The following PARD3 variants were observed in gnomAD, a reference collection of about 807,000 sequenced individuals.
The protein encoded by PARD3 is partitioning defective 3 homolog.
Under a neutral mutation model 155.4 loss-of-function variants are expected in PARD3, and 75 were observed. The ratio of observed to expected loss-of-function variants is 0.48; its 90% CI spans 0.40 to 0.58. The LOEUF (loss-of-function observed/expected upper bound fraction) is 0.58. Ranked by LOEUF, PARD3 falls within the 20% of genes least tolerant of loss-of-function variation. The probability of loss-of-function intolerance (pLI) is 0.00; values close to 1 mark genes in which losing one functional copy is unlikely to be tolerated. For synonymous variants in PARD3, 576 were observed against 610.5 expected (o/e 0.94, Z 0.83); for missense variants, 1,642 against 1,721.7 (o/e 0.95, Z 0.82).
chr10:34,407,009 A>G lies in PARD3; in HGVS notation c.715-5092T>C, dbSNP rs543104442. ...ATAAAAGGAACAACTCTTATCTTCCATATGGCAAGTCAACAGATGTCAGTA... is the reference window on the plus strand; with the variant it reads ...ATAAAAGGAACAACTCTTATCTTCCGTATGGCAAGTCAACAGATGTCAGTA... On this transcript the variant is annotated intron_variant, in intron 5 of 24. Coordinates refer to ENST00000374788, the MANE Select transcript of PARD3 (RefSeq NM_001184785.2). Among the ~76,000 whole-genome samples, 13 of 152,352 alleles carry G rather than the reference A, an allele frequency of 8.5e-5. 1 individual carries two copies. In the Middle Eastern group the frequency reaches 0.01, roughly 120 times the overall value.
At chr10:34,698,165 G>A (rs894081906) in intron 1 of PARD3, among the ~76,000 whole-genome samples, 1 of 152,042 alleles carries the variant, frequency 6.6e-6, no homozygotes, top group Non-Finnish European at 1.5e-5. Flanking sequence ...CCTCCAAAAT[G>A]TGGCTTATGA....
At chr10:34,775,626 T>G (rs759654356) in intron 1 of PARD3, among the ~76,000 whole-genome samples, 2 of 151,726 alleles carry the variant, frequency 1.3e-5, no homozygotes, top group East Asian at 3.8e-4. Flanking sequence ...CTACAAGAGA[T>G]ATATGCGTGA....
At chr10:34,812,871 T>A (rs962214530) in intron 1 of PARD3, among the ~76,000 whole-genome samples, 3 of 152,166 alleles carry the variant, frequency 2.0e-5, no homozygotes, top group Admixed American at 6.5e-5. Flanking sequence ...CTCCCTTTTC[T>A]ACGCCCTGTG....
intron 2 of PARD3, among the ~76,000 whole-genome samples, chr10:34,593,566 A>G (rs1393204416): frequency 1.3e-5 from 2 of 152,352 alleles, no homozygotes; most frequent in African/African-American, 2.4e-5. Flanking sequence ...TCAAACCTAT[A>G]AATCAGTGAA....
chr10:34,123,023 G>T (rs920894621), intron 23 of PARD3, among the ~76,000 whole-genome samples: 1 of 152,192 alleles, frequency 6.6e-6, no homozygotes, highest in Admixed American at 6.5e-5. Context: ...AAATACCTGC[G>T]CAGGCATAAC....
chr10:34,533,823 AAC>A (rs1481122747), intron 2 of PARD3, among the ~76,000 whole-genome samples: 4 of 151,258 alleles, frequency 2.6e-5, no homozygotes, highest in African/African-American at 9.7e-5. Context: ...AACAAAAAAA[AAC>A]AGACTATTGA....
intron 4 of PARD3, among the ~76,000 whole-genome samples, chr10:34,453,294 G>T (rs1665774180): frequency 6.6e-6 from 1 of 152,114 alleles, no homozygotes; most frequent in Admixed American, 6.6e-5. Context: ...ATTCTCAATA[G>T]AACTAATCAT....
At chr10:34,644,121 C>A (rs992534615) in intron 2 of PARD3, among the ~76,000 whole-genome samples, 31 of 152,142 alleles carry the variant, frequency 2.0e-4, no homozygotes, top group Non-Finnish European at 8.8e-5. Context: ...GAAACCAATA[C>A]AACACAGAAG....
chr10:34,158,019 T>G (rs1156986296), intron 22 of PARD3, among the ~76,000 whole-genome samples: 1 of 152,180 alleles, frequency 6.6e-6, no homozygotes, highest in African/African-American at 2.4e-5. Flanking sequence ...TCCAACATAC[T>G]CAAACATTTT....
intron 22 of PARD3, among the ~76,000 whole-genome samples, chr10:34,217,295 T>C (rs1388621694): frequency 1.3e-5 from 2 of 152,120 alleles, no homozygotes; most frequent in Non-Finnish European, 2.9e-5. Flanking sequence ...ACTTGGAAGA[T>C]AGAGTGTTAA....
In PARD3 at chr10:34,111,307, GTC is replaced by G; in HGVS notation, c.3922_3923del (p.Asp1308LeufsTer3). On this transcript the variant is annotated frameshift_variant, in exon 25 of 25. Coordinates refer to ENST00000374788, the MANE Select transcript of PARD3 (RefSeq NM_001184785.2). LOFTEE classifies it high-confidence loss of function. ...TGGGGTCCTGGACTTTCTTATACGA[GTC>G]ATAGTTGCTGGGCCCCTCGGAAGGA... ...QPPSEGPSNY[D>X]SYKKVQDPSY... is the part of the protein sequence containing the mutation. The G allele has an allele frequency of 6.8e-6, 11 of 1,614,074 alleles. No homozygotes were observed. Among genetic ancestry groups the G allele is most frequent in the African/African-American group, 1.3e-5 (1 of 75,058 alleles).
chr10:34,778,217 CAA>C (rs1839827919), intron 1 of PARD3, among the ~76,000 whole-genome samples: 1 of 152,122 alleles, frequency 6.6e-6, no homozygotes, highest in African/African-American at 2.4e-5. Flanking sequence ...TGGCTTTAGG[CAA>C]GACATTTAAG....
intron 1 of PARD3, among the ~76,000 whole-genome samples, chr10:34,696,933 C>CA (rs1175256510): frequency 1.3e-5 from 2 of 151,706 alleles, no homozygotes; most frequent in Non-Finnish European, 2.9e-5. Flanking sequence ...AGGATGCTGA[C>CA]AAGACCGTAG....
chr10:34,535,458 C>T (rs1160890826), intron 2 of PARD3, among the ~76,000 whole-genome samples: 58 of 152,174 alleles, frequency 3.8e-4, no homozygotes, highest in Non-Finnish European at 1.5e-5. Context: ...CAAATTAAAA[C>T]AGAGCAATAT....
chr10:34,349,184 C>T lies in PARD3; in HGVS notation c.2068-1069G>A, dbSNP rs148087186. On this transcript the variant is annotated intron_variant, in intron 14 of 24. Coordinates refer to ENST00000374788, the MANE Select transcript of PARD3 (RefSeq NM_001184785.2). ...CTCTCACACATGAAACCACAACTGT[C>T]GCACTTCCTTCAGCTGAACAAATTA... Among the ~76,000 whole-genome samples the T allele has an allele frequency of 2.7e-3, 404 of 152,238 alleles. 2 individuals are homozygous for T. The highest frequency in any genetic ancestry group is 9.4e-3 in the African/African-American group (391 of 41,524).
intron 22 of PARD3, among the ~76,000 whole-genome samples, chr10:34,190,283 A>G (rs2133257852): frequency 6.6e-6 from 1 of 152,350 alleles, no homozygotes; most frequent in African/African-American, 2.4e-5. Context: ...AGGAGCAAAT[A>G]GGAGGATCTT....
At chr10:34,266,617 G>C (rs1455921481) in intron 22 of PARD3, among the ~76,000 whole-genome samples, 1 of 152,166 alleles carries the variant, frequency 6.6e-6, no homozygotes, top group African/African-American at 2.4e-5. Flanking sequence ...CTGTGCTTGA[G>C]TTAGGATGAG....
At chr10:34,236,881 G>T (rs73270715) in intron 22 of PARD3, among the ~76,000 whole-genome samples, 4,806 of 152,150 alleles carry the variant, frequency 0.032, 260 homozygotes, top group African/African-American at 0.11. Flanking sequence ...TTAAAAGGAT[G>T]GGGAAACTAA....
intron 20 of PARD3, among the ~76,000 whole-genome samples, chr10:34,304,701 T>G (rs1212612772): frequency 6.6e-6 from 1 of 152,248 alleles, no homozygotes; most frequent in South Asian, 2.1e-4. Context: ...CACACCTTTA[T>G]GTTTTAGTTT....
Sources: allele counts gnomAD v4.1 joint callset (sites outside exome capture counted in the v4.1 genomes callset), GRCh38; gene constraint gnomAD v4.1.1; transcripts MANE v1.5; gene names NCBI Gene and HGNC (gene_info 2026-07-23, HGNC 2026-07-21).